PNLIPRP3: variants seen among roughly 807,000 people sequenced by gnomAD.
The protein encoded by PNLIPRP3 is pancreatic lipase-related protein 3.
A neutral mutation model predicts 52.8 loss-of-function variants in PNLIPRP3; 58 were observed. The observed-to-expected ratio is 1.10, with a 90% CI of 0.89 to 1.37. The LOEUF (loss-of-function observed/expected upper bound fraction) is 1.37. PNLIPRP3 is among the 40% of genes most tolerant of loss of function. The pLI is 0.00. For synonymous variants in PNLIPRP3, 192 were observed against 185.0 expected (o/e 1.04, Z -0.31); for missense variants, 593 against 561.6 (o/e 1.06, Z -0.57).
Position 116,466,828 on chromosome 10 carries a change from T to C in PNLIPRP3, c.927+660T>C, listed in dbSNP as rs75691501. On this transcript the variant is annotated intron_variant, in intron 8 of 11. Coordinates refer to ENST00000369230, the MANE Select transcript of PNLIPRP3 (RefSeq NM_001011709.3). ...TTCAGCTGAAGTTTATGGTAAGTAA[T>C]AGTACTTCGTGAATAAGTGCTGTGT... 1.1e-3 allele frequency among the ~76,000 whole-genome samples: 162 copies of C among 152,328 alleles called. 3 individuals are homozygous for C. In the East Asian group the frequency reaches 0.031, roughly 29 times the overall value.
chr10:116,450,884 C>T (rs1026646811), intron 4 of PNLIPRP3, among the ~76,000 whole-genome samples: 2 of 149,390 alleles, frequency 1.3e-5, no homozygotes, highest in African/African-American at 4.9e-5. Flanking sequence ...TCTACAGATT[C>T]AACGTAATAC....
intron 10 of PNLIPRP3, among the ~76,000 whole-genome samples, chr10:116,476,173 A>G (rs1846462593): frequency 6.6e-6 from 1 of 152,122 alleles, no homozygotes; most frequent in Non-Finnish European, 1.5e-5. Context: ...TAGTTACCCA[A>G]TTCCTTTTAT....
At chr10:116,443,324 C>A in intron 3 of PNLIPRP3, 150 bp downstream of exon 3, 2 of 804,574 alleles carry the variant, frequency 2.5e-6, no homozygotes, top group Non-Finnish European at 1.7e-6. Flanking sequence ...ATTAGTTATC[C>A]ATTTCCCATT....
chr10:116,437,949 G>T (rs1166139737), intron 2 of PNLIPRP3, among the ~76,000 whole-genome samples: 2 of 152,134 alleles, frequency 1.3e-5, no homozygotes, highest in African/African-American at 4.8e-5. Flanking sequence ...GTGCAGTTTG[G>T]ATCACACACG....
At chr10:116,449,015 CAAAAA>C (rs59582445) in intron 4 of PNLIPRP3, among the ~76,000 whole-genome samples, 5,827 of 133,932 alleles carry the variant, frequency 0.044, 254 homozygotes, top group African/African-American at 0.095. Context: ...GACTCCATCT[CAAAAA>C]AAAAAAAAAA....
At chr10:116,450,930 A>C (rs1846025733) in intron 4 of PNLIPRP3, among the ~76,000 whole-genome samples, 1 of 152,160 alleles carries the variant, frequency 6.6e-6, no homozygotes, top group Non-Finnish European at 1.5e-5. Context: ...TTTAACAGAA[A>C]TAGTAAAAAC....
At chr10:116,447,345 A>C (rs1161020865) in intron 4 of PNLIPRP3, among the ~76,000 whole-genome samples, 2 of 152,180 alleles carry the variant, frequency 1.3e-5, no homozygotes, top group East Asian at 1.9e-4. Context: ...CTTCTCCCAC[A>C]AAGAACAATC....
chr10:116,441,013 T>C (rs1327983392), intron 2 of PNLIPRP3, among the ~76,000 whole-genome samples: 2 of 152,192 alleles, frequency 1.3e-5, no homozygotes, highest in Non-Finnish European at 2.9e-5. Flanking sequence ...TAACCCTTCC[T>C]CTCGATAACC....
intron 9 of PNLIPRP3, among the ~76,000 whole-genome samples, chr10:116,470,295 G>A (rs1254398832): frequency 1.3e-5 from 2 of 152,104 alleles, no homozygotes; most frequent in Non-Finnish European, 2.9e-5. Flanking sequence ...GAGTCACTCA[G>A]ACTGTAGTCA....
At position 116,445,841 on chromosome 10, in the gene PNLIPRP3, G is replaced by T. The variant is rs1317534236; in HGVS notation, c.456+1328G>T. Among the ~76,000 whole-genome samples the T allele has an allele frequency of 2.6e-5, 4 of 152,262 alleles. No individual in the cohort carries two copies. In the South Asian group the frequency reaches 8.3e-4, roughly 32 times the overall value. On this transcript the variant is annotated intron_variant, in intron 4 of 11. Coordinates refer to ENST00000369230, the MANE Select transcript of PNLIPRP3 (RefSeq NM_001011709.3). Reference sequence around the variant, plus strand: ...AGAAGGAGCAGCTAAAGGAACAGCTGAGTCTCTTCTCCACCTCTCTTTCTG... The same window carrying T: ...AGAAGGAGCAGCTAAAGGAACAGCTTAGTCTCTTCTCCACCTCTCTTTCTG...
chr10:116,473,305 C>A (rs1273724320), intron 10 of PNLIPRP3, among the ~76,000 whole-genome samples: 1 of 152,130 alleles, frequency 6.6e-6, no homozygotes, highest in Non-Finnish European at 1.5e-5. Flanking sequence ...CTTCTCCATG[C>A]TCATGGATAG....
At chr10:116,436,493 A>G (rs773433337) in intron 1 of PNLIPRP3, among the ~76,000 whole-genome samples, 5 of 152,190 alleles carry the variant, frequency 3.3e-5, no homozygotes, top group Non-Finnish European at 5.9e-5. Context: ...ATAAATAAAC[A>G]AGTGGGATTG....
rs1564695930 is a variant in PNLIPRP3 at position 116,444,365 on chromosome 10, A to G, written c.325-17A>G. The G allele has an allele frequency of 1.3e-6, 2 of 1,582,640 alleles. No individual in the cohort carries two copies. Among genetic ancestry groups the G allele is most frequent in the Non-Finnish European group, 8.6e-7 (1 of 1,162,698 alleles). The stretch of plus-strand genomic sequence containing the variant: ...GAACACTTATTTATTTAATATTTAT[A>G]TAAATCTTTGTGCCAGGTGTTGCTA... On this transcript the variant is annotated splice_polypyrimidine_tract_variant and intron_variant, in intron 3 of 11. Transcript: ENST00000369230.
At position 116,461,013 on chromosome 10, in the gene PNLIPRP3, A is replaced by AGGCTAGACCCCTC; in HGVS notation, c.616_628dup (p.Asp210AlafsTer10). The AGGCTAGACCCCTC allele has an allele frequency of 6.2e-7, 1 of 1,613,480 alleles. No homozygotes were observed. Among genetic ancestry groups the AGGCTAGACCCCTC allele is most frequent in the Non-Finnish European group, 8.5e-7 (1 of 1,180,016 alleles). ...TTTCCACAACACTCCAAAGGAAGTCAGGCTAGACCCCTCGGATGCCAACTT... is the reference window on the plus strand; with the variant it reads ...TTTCCACAACACTCCAAAGGAAGTCAGGCTAGACCCCTCGGCTAGACCCCTCGGATGCCAACTT... On this transcript the variant is annotated frameshift_variant, in exon 6 of 12. Transcript: ENST00000369230. LOFTEE classifies it high-confidence loss of function.
Position 116,477,831 on chromosome 10 carries a change from A to G in PNLIPRP3, c.*678A>G, listed in dbSNP as rs564234234. ...TCCTCCAAAGTCCCTGCCACAGGAGAATTACTCCTCTCCCTGGGTCTTGAA... is the reference window on the plus strand; with the variant it reads ...TCCTCCAAAGTCCCTGCCACAGGAGGATTACTCCTCTCCCTGGGTCTTGAA... On this transcript the variant is annotated 3_prime_UTR_variant, in exon 12 of 12. Transcript: ENST00000369230. 1 of 152,204 alleles carries G rather than the reference A, an allele frequency of 6.6e-6. No homozygotes were observed. The highest frequency in any genetic ancestry group is 1.9e-4 in the East Asian group (1 of 5,146). 9.4% of individuals were successfully genotyped at this position (152,204 alleles called of 1,614,324 possible).
intron 9 of PNLIPRP3, among the ~76,000 whole-genome samples, chr10:116,470,288 T>A (rs940648943): frequency 4.0e-5 from 6 of 151,858 alleles, no homozygotes; most frequent in African/African-American, 1.5e-4. Context: ...GAGTTGGGAG[T>A]CACTCAGACT....
intron 4 of PNLIPRP3, among the ~76,000 whole-genome samples, chr10:116,452,985 T>C (rs903602952): frequency 6.6e-6 from 1 of 152,216 alleles, no homozygotes; most frequent in Non-Finnish European, 1.5e-5. Context: ...CCCAGAATGT[T>C]AGATCCACTG....
In PNLIPRP3 at chr10:116,469,656, C is replaced by T. The variant is rs61864846; in HGVS notation, c.1060+339C>T. On this transcript the variant is annotated intron_variant, in intron 9 of 11. Coordinates refer to ENST00000369230, the MANE Select transcript of PNLIPRP3 (RefSeq NM_001011709.3). ...AGGGAAGTATTCCAGGCAGAAGTGA[C>T]CACGTCTGTAAATGCCTGGAAGTAA... 2.5e-3 allele frequency among the ~76,000 whole-genome samples: 386 copies of T among 152,208 alleles called. 2 individuals are homozygous for T. The highest frequency in any genetic ancestry group is 4.6e-3 in the Non-Finnish European group (315 of 68,012).
At chr10:116,460,203 A>T (rs1846172628) in intron 5 of PNLIPRP3, among the ~76,000 whole-genome samples, 1 of 152,210 alleles carries the variant, frequency 6.6e-6, no homozygotes. Flanking sequence ...TTCCCATCAA[A>T]TGGAAAATCC....
Sources: allele counts gnomAD v4.1 joint callset (sites outside exome capture counted in the v4.1 genomes callset), GRCh38; gene constraint gnomAD v4.1.1; transcripts MANE v1.5; gene names NCBI Gene and HGNC (gene_info 2026-07-23, HGNC 2026-07-21).